The following SSH2 variants were observed in gnomAD, a reference collection of about 807,000 sequenced individuals.
SSH2 encodes protein phosphatase Slingshot homolog 2.
In SSH2, 37 loss-of-function variants were observed where a neutral mutation model predicts 135.2. The observed-to-expected ratio is 0.27, with a 90% confidence interval of 0.21 to 0.36. The LOEUF (loss-of-function observed/expected upper bound fraction) is 0.36. Ranked by LOEUF, SSH2 falls within the 10% of genes least tolerant of loss-of-function variation. The pLI, the probability that SSH2 is intolerant of heterozygous loss-of-function variation, is 1.00. For missense variants in SSH2, 1,408 were observed against 1,765.3 expected, an observed-to-expected ratio of 0.80 and a Z score of 3.63; for synonymous variants, 628 against 646.2, an observed-to-expected ratio of 0.97 and a Z score of 0.43.
At chr17:29,649,761 T>C (rs1300200638) in intron 13 of SSH2, among the ~76,000 whole-genome samples, 1 of 152,136 alleles carries the variant, frequency 6.6e-6, no homozygotes, top group Non-Finnish European at 1.5e-5. Context: ...CCATGAATGG[T>C]ATTATTACTG....
At position 29,871,017 on chromosome 17, in the gene SSH2, CT is replaced by C. The variant is rs368244583; in HGVS notation, c.64-22089del. ...AGGGCCAACTGAAGCAGTACTAAGA[CT>C]TTTTGAAGTTGTTATATTCCCTTAA... is the stretch of plus-strand genomic sequence containing the variant. On this transcript the variant is annotated intron_variant, in intron 1 of 15. Coordinates refer to ENST00000540801, the MANE Select transcript of SSH2 (RefSeq NM_001282129.2). Among the ~76,000 whole-genome samples the C allele has an allele frequency of 9.9e-4, 150 of 152,204 alleles. 4 individuals are homozygous for C. In the South Asian group the frequency reaches 0.03, roughly 31 times the overall value.
chr17:29,871,874 TG>T (rs1382780407), intron 1 of SSH2, among the ~76,000 whole-genome samples: 2 of 152,164 alleles, frequency 1.3e-5, no homozygotes, highest in Non-Finnish European at 2.9e-5. Flanking sequence ...AATAGAGAGG[TG>T]TATAAATATT....
At position 29,812,875 on chromosome 17, in the gene SSH2, C is replaced by A. The variant is rs573404473; in HGVS notation, c.145-18938G>T. Among the ~76,000 whole-genome samples the A allele has an allele frequency of 8.3e-4, 125 of 151,082 alleles. 1 individual carries two copies. Among genetic ancestry groups the A allele is most frequent in the Admixed American group, 3.0e-3 (45 of 15,174 alleles). On this transcript the variant is annotated intron_variant, in intron 2 of 15. Transcript: ENST00000540801. ...CTGCACTCCAGCCTGGGTGACAGAGCAAGACTCCGTCACAAAAACAAACAA... is the reference window on the plus strand; with the variant it reads ...CTGCACTCCAGCCTGGGTGACAGAGAAAGACTCCGTCACAAAAACAAACAA...
chr17:29,674,423 A>G (rs1400759536), intron 8 of SSH2, among the ~76,000 whole-genome samples: 3 of 152,328 alleles, frequency 2.0e-5, no homozygotes, highest in Middle Eastern at 3.4e-3. Flanking sequence ...TAGGAAACAC[A>G]TGCTCCAAAA....
At chr17:29,736,866 G>A (rs868122529) in intron 3 of SSH2, among the ~76,000 whole-genome samples, 5 of 138,644 alleles carry the variant, frequency 3.6e-5, no homozygotes, top group South Asian at 2.4e-4. Flanking sequence ...TTGGGAGGTC[G>A]AGGCAGGCAG....
Position 29,684,474 on chromosome 17 carries a change from C to G in SSH2, c.479+89G>C. Reference sequence around the variant, plus strand: ...TCTGGGCAACAGAGTGATGACACTCCGTCCCCATTAAAAAAAAAAAAAAAA... The same window carrying G: ...TCTGGGCAACAGAGTGATGACACTCGGTCCCCATTAAAAAAAAAAAAAAAA... On this transcript the variant is annotated intron_variant, in intron 6 of 15. Coordinates refer to ENST00000540801, the MANE Select transcript of SSH2 (RefSeq NM_001282129.2). 7 of 1,237,040 alleles carry G rather than the reference C, an allele frequency of 5.7e-6. No individual in the cohort carries two copies. In the South Asian group the frequency reaches 1.0e-4, roughly 18 times the overall value. 76.6% of individuals were successfully genotyped at this position (1,237,040 alleles called of 1,614,324 possible). A position where few individuals can be genotyped will look rare whatever the true frequency, so the allele number is the denominator to read the frequency against.
intron 3 of SSH2, among the ~76,000 whole-genome samples, chr17:29,746,439 T>C (rs1038677265): frequency 6.8e-6 from 1 of 147,138 alleles, no homozygotes; most frequent in Non-Finnish European, 1.5e-5. Flanking sequence ...TCCCAGCTAC[T>C]AGGGAGGCTG....
chr17:29,687,393 A>G (rs1207060429), intron 5 of SSH2, among the ~76,000 whole-genome samples: 3 of 152,264 alleles, frequency 2.0e-5, no homozygotes, highest in Non-Finnish European at 4.4e-5. Context: ...TGCCAAATGC[A>G]TAAGATAGAG....
intron 9 of SSH2, among the ~76,000 whole-genome samples, chr17:29,671,607 TTC>T (rs1289811455): frequency 2.0e-5 from 3 of 152,238 alleles, no homozygotes; most frequent in African/African-American, 7.2e-5. Context: ...ACTAAAATGA[TTC>T]TTTCAGATAA....
At chr17:29,725,346 C>CAAAAA (rs1394790335) in intron 3 of SSH2, among the ~76,000 whole-genome samples, 1 of 2,076 alleles carries the variant, frequency 4.8e-4, no homozygotes, top group Non-Finnish European at 1.3e-3. Context: ...GAATCAGTCT[C>CAAAAA]CAAAAAAAAA....
intron 1 of SSH2, among the ~76,000 whole-genome samples, chr17:29,873,284 G>C (rs1002011103): frequency 6.6e-6 from 1 of 152,140 alleles, no homozygotes; most frequent in African/African-American, 2.4e-5. Flanking sequence ...AAGAGGCCGG[G>C]CGCAGTGGCT....
chr17:29,865,157 T>C (rs1330534508), intron 1 of SSH2, among the ~76,000 whole-genome samples: 2 of 152,230 alleles, frequency 1.3e-5, no homozygotes, highest in Non-Finnish European at 2.9e-5. Flanking sequence ...TTCTCTATTA[T>C]ACATATTTGA....
intron 2 of SSH2, among the ~76,000 whole-genome samples, chr17:29,843,894 T>A (rs1046179975): frequency 6.6e-6 from 1 of 152,148 alleles, no homozygotes; most frequent in Non-Finnish European, 1.5e-5. Flanking sequence ...ATGTTAAAAA[T>A]CCCATAGAAG....
intron 8 of SSH2, among the ~76,000 whole-genome samples, chr17:29,674,723 A>G (rs1190824843): frequency 5.3e-5 from 8 of 152,222 alleles, no homozygotes; most frequent in African/African-American, 9.6e-5. Context: ...CCTGGGCCAC[A>G]TCGGAAGAAC....
chr17:29,801,542 T>G (rs1185031194), intron 2 of SSH2, among the ~76,000 whole-genome samples: 2 of 152,176 alleles, frequency 1.3e-5, no homozygotes, highest in African/African-American at 4.8e-5. Flanking sequence ...CAAACACTAG[T>G]AGTTTGTGAC....
chr17:29,626,100 G>A lies in SSH2; in HGVS notation c.*4741C>T, dbSNP rs2035490099. The A allele has an allele frequency of 6.6e-6, 1 of 152,542 alleles. No individual in the cohort carries two copies. Among genetic ancestry groups the A allele is most frequent in the Non-Finnish European group, 1.5e-5 (1 of 68,028 alleles). 9.4% of individuals were successfully genotyped at this position (152,542 alleles called of 1,614,324 possible). ...CACCAGGAAGATTAAGGAAGGAGAT[G>A]AGACCACTCTATATTCTGCTTCAAA... On this transcript the variant is annotated 3_prime_UTR_variant, in exon 16 of 16. Coordinates refer to ENST00000540801, the MANE Select transcript of SSH2 (RefSeq NM_001282129.2).
chr17:29,921,490 G>C (rs1228594521), intron 1 of SSH2, among the ~76,000 whole-genome samples: 1 of 152,138 alleles, frequency 6.6e-6, no homozygotes, highest in Admixed American at 6.5e-5. Context: ...CAAGATATCT[G>C]TCTATGCTTA....
chr17:29,863,342 C>G (rs1269455464), intron 1 of SSH2: 2 of 152,300 alleles, frequency 1.3e-5, no homozygotes, highest in Admixed American at 1.3e-4. Flanking sequence ...GTCCAGTACT[C>G]AGGCTAACAA....
intron 3 of SSH2, among the ~76,000 whole-genome samples, chr17:29,785,854 G>T (rs1162143202): frequency 6.8e-6 from 1 of 146,166 alleles, no homozygotes; most frequent in Non-Finnish European, 1.5e-5. Flanking sequence ...GCCCAGGCTG[G>T]AGTGCAGTGG....
Sources: allele counts gnomAD v4.1 joint callset (sites outside exome capture counted in the v4.1 genomes callset), GRCh38; gene constraint gnomAD v4.1.1; transcripts MANE v1.5; gene names NCBI Gene and HGNC (gene_info 2026-07-23, HGNC 2026-07-21).